Variants in POLN observed in about 807,000 individuals in gnomAD.
The protein encoded by POLN is DNA polymerase N.
A neutral mutation model predicts 113.5 loss-of-function variants in POLN; 108 were observed. The ratio of observed to expected loss-of-function variants is 0.95; its 90% confidence interval spans 0.81 to 1.12. The LOEUF is 1.12. POLN is among the 50% of genes most tolerant of loss of function. The pLI is 0.00. For synonymous variants in POLN, 386 were observed against 391.5 expected, an observed-to-expected ratio of 0.99 and a Z score of 0.17; for missense variants, 1,097 against 1,077.1, an observed-to-expected ratio of 1.02 and a Z score of -0.26.
rs150101454 is a variant in POLN, at chr4:2,236,364, T to C, written c.-13+5156A>G. ...CAACTGATCTTGTACTAAAGAAATA[T>C]TCTGTTTCAATTTCTCAGCCACTTC... is the stretch of plus-strand genomic sequence containing the variant. On this transcript the variant is annotated intron_variant, in intron 2 of 25. Coordinates refer to ENST00000511885, the MANE Select transcript of POLN (RefSeq NM_181808.4). 9 of 1,613,018 alleles carry C rather than the reference T, an allele frequency of 5.6e-6. No individual in the cohort carries two copies. In the African/African-American group the frequency reaches 9.3e-5, roughly 17 times the overall value.
intron 17 of POLN, among the ~76,000 whole-genome samples, 157 bp from the exon 18 acceptor site, chr4:2,129,413 G>C (rs1194063448): frequency 6.6e-6 from 1 of 152,116 alleles, no homozygotes; most frequent in South Asian, 2.1e-4. Context: ...TTAGAGATGG[G>C]GGTCTCACTT....
In POLN at chr4:2,179,326, A is replaced by G; in HGVS notation, c.1161T>C (p.Asn387=). The change falls in exon 8 of 26, where the codon AAT becomes AAC. Residue 387 remains asparagine (N), a synonymous_variant. Transcript: ENST00000511885. The part of the protein sequence containing the change: ...ITVKVNSTYG[N]SSRNIVNQNV... ...AACTCACCACAATATTTCTTGAGGAATTTCCATATGTGCTGTTCACTTTAA... is the reference window on the plus strand; with the variant it reads ...AACTCACCACAATATTTCTTGAGGAGTTTCCATATGTGCTGTTCACTTTAA... The G allele has an allele frequency of 6.2e-7, 1 of 1,612,114 alleles. No individual in the cohort carries two copies. Among genetic ancestry groups the G allele is most frequent in the Non-Finnish European group, 8.5e-7 (1 of 1,178,988 alleles).
In POLN at chr4:2,126,439, C is replaced by T. The variant is rs958684852; in HGVS notation, c.1982+1674G>A. 6.6e-6 allele frequency among the ~76,000 whole-genome samples: 1 copy of T among 152,206 alleles called. No individual in the cohort carries two copies. The highest frequency in any genetic ancestry group is 1.5e-5 in the Non-Finnish European group (1 of 68,044). The stretch of plus-strand genomic sequence containing the variant: ...TATTTGACAAATCCTTTGTGAGTCC[C>T]CACCCTTTGTGGAGCACAGTAGGGA... On this transcript the variant is annotated intron_variant, in intron 19 of 25. Transcript: ENST00000511885. This position sits in a 1 kb window ranked among gnomAD's most constrained non-coding sequence, Gnocchi z 4.6.
At chr4:2,238,964 T>G in intron 2 of POLN, 1 of 1,590,660 alleles carries the variant, frequency 6.3e-7, no homozygotes, top group Admixed American at 1.9e-5. Flanking sequence ...GTCTTTTATT[T>G]GAGTGACCTC....
intron 16 of POLN, among the ~76,000 whole-genome samples, chr4:2,133,936 T>C (rs1288474627): frequency 2.0e-5 from 3 of 152,218 alleles, no homozygotes; most frequent in Non-Finnish European, 4.4e-5. Context: ...CTGTCAGCTA[T>C]CCACCATCAT....
Position 2,176,302 on chromosome 4 carries a change from G to C in POLN, c.1212C>G (p.Leu404=), listed in dbSNP as rs909923042. The change falls in exon 9 of 26, where the codon CTC becomes CTG. Residue 404 remains leucine, a synonymous_variant. Transcript: ENST00000511885. ...AGCAAAGGTCCATTGTAAGTCTGTA[G>C]AGTGTCTTCAGGTTCTCACGTACAT... is the stretch of plus-strand genomic sequence containing the variant. ...NQNVRENLKT[L]YRLTMDLCSK... is the part of the protein sequence containing the mutation. The C allele has an allele frequency of 6.2e-7, 1 of 1,601,016 alleles. No individual in the cohort carries two copies. Among genetic ancestry groups the C allele is most frequent in the Non-Finnish European group, 8.5e-7 (1 of 1,175,478 alleles).
chr4:2,122,266 T>G (rs1472693063), intron 19 of POLN, among the ~76,000 whole-genome samples: 1 of 152,148 alleles, frequency 6.6e-6, no homozygotes, highest in Non-Finnish European at 1.5e-5. Context: ...CCCATACCTC[T>G]GGAGAGAGAG....
Position 2,107,620 on chromosome 4 carries a change from T to C in POLN, c.1983-11687A>G, listed in dbSNP as rs1731096199. Among the ~76,000 whole-genome samples the C allele has an allele frequency of 2.0e-5, 3 of 152,030 alleles. No homozygotes were observed. The South Asian group carries it at 6.2e-4, about 32-fold the overall frequency. Reference sequence around the variant, plus strand: ...GAGATAACGAAGGCCTGATCTGAGGTTGTGGAAACGCGAAGAGAGAAAAGG... The same window carrying C: ...GAGATAACGAAGGCCTGATCTGAGGCTGTGGAAACGCGAAGAGAGAAAAGG... On this transcript the variant is annotated intron_variant, in intron 19 of 25. Coordinates refer to ENST00000511885, the MANE Select transcript of POLN (RefSeq NM_181808.4).
At chr4:2,089,612 T>C in intron 20 of POLN, 3 of 965,612 alleles carry the variant, frequency 3.1e-6, no homozygotes, top group Admixed American at 2.9e-5. Context: ...TTATCAACAG[T>C]CATATTTTCC....
intron 16 of POLN, among the ~76,000 whole-genome samples, chr4:2,155,582 C>T (rs917310221): frequency 6.6e-6 from 1 of 152,106 alleles, no homozygotes; most frequent in African/African-American, 2.4e-5. Flanking sequence ...GGGACAGACA[C>T]ATGTTACGGA....
intron 19 of POLN, among the ~76,000 whole-genome samples, chr4:2,110,448 G>A (rs1409242903): frequency 2.0e-5 from 3 of 152,140 alleles, no homozygotes; most frequent in Non-Finnish European, 2.9e-5. Context: ...AATGAATCCA[G>A]GACCTGGTTT....
chr4:2,154,974 A>G (rs1220261525), intron 16 of POLN, among the ~76,000 whole-genome samples: 1 of 152,248 alleles, frequency 6.6e-6, no homozygotes. Context: ...CTTCACTGAG[A>G]ACCTGGGAGG....
chr4:2,100,083 AAAG>A (rs1209716794), intron 19 of POLN, among the ~76,000 whole-genome samples: 1 of 150,548 alleles, frequency 6.6e-6, no homozygotes. Flanking sequence ...AAAGAAAAAA[AAAG>A]AAAAAGAAAA....
intron 17 of POLN, among the ~76,000 whole-genome samples, chr4:2,130,026 G>A (rs1224811687): frequency 6.6e-6 from 1 of 151,820 alleles, no homozygotes; most frequent in Non-Finnish European, 1.5e-5. Context: ...GGCCGAGATG[G>A]GAAGATCACT....
intron 16 of POLN, among the ~76,000 whole-genome samples, chr4:2,143,031 T>C (rs1732042368): frequency 6.6e-6 from 1 of 152,162 alleles, no homozygotes; most frequent in Non-Finnish European, 1.5e-5. Context: ...ATGCAATTTT[T>C]TTTTGGACAA....
intron 23 of POLN, among the ~76,000 whole-genome samples, chr4:2,075,873 C>T (rs973286387): frequency 1.3e-5 from 2 of 152,154 alleles, no homozygotes; most frequent in Admixed American, 6.5e-5. Context: ...CTGGGTGCCC[C>T]GTGTCCGCCC....
In POLN at chr4:2,126,383, G is replaced by GC. The variant is rs1361824304; in HGVS notation, c.1982+1729dup. Among the ~76,000 whole-genome samples, 5 of 152,280 alleles carry GC rather than the reference G, an allele frequency of 3.3e-5. No homozygotes were observed. Among genetic ancestry groups the GC allele is most frequent in the African/African-American group, 1.2e-4 (5 of 41,562 alleles). On this transcript the variant is annotated intron_variant, in intron 19 of 25. Transcript: ENST00000511885. This position sits in a 1 kb window ranked among gnomAD's most constrained non-coding sequence, Gnocchi z 4.6. ...TTTGGAGAGATTTTCTGATTCAAAC[G>GC]CAAGTTTGCGTTCTATACTATTCAT...
At chr4:2,180,539 A>T (rs1261917577) in intron 7 of POLN, among the ~76,000 whole-genome samples, 1 of 152,178 alleles carries the variant, frequency 6.6e-6, no homozygotes, top group Non-Finnish European at 1.5e-5. Flanking sequence ...TTCTCATTTG[A>T]TATCTAGGAA....
intron 20 of POLN, among the ~76,000 whole-genome samples, chr4:2,092,955 G>A (rs1180842806): frequency 1.3e-5 from 2 of 152,202 alleles, no homozygotes; most frequent in Admixed American, 6.5e-5. Context: ...AAGCCAGACC[G>A]GAACAATGGG....
Sources: allele counts gnomAD v4.1 joint callset (sites outside exome capture counted in the v4.1 genomes callset), GRCh38; gene constraint gnomAD v4.1.1; non-coding constraint Gnocchi (gnomAD v3.1); transcripts MANE v1.5; gene names NCBI Gene and HGNC (gene_info 2026-07-23, HGNC 2026-07-21).